CCDC198: variants seen among roughly 807,000 people sequenced by gnomAD.
The protein encoded by CCDC198 is factor associated with metabolism and energy.
Under a neutral mutation model 35.6 loss-of-function variants are expected in CCDC198, and 18 were observed. The observed-to-expected ratio is 0.51, with a 90% CI of 0.35 to 0.75. The LOEUF (loss-of-function observed/expected upper bound fraction) is 0.75. Among genes scored for constraint, CCDC198 ranks in the 30% least tolerant of loss-of-function variants. The pLI is 0.01. For missense variants in CCDC198, 365 were observed against 343.7 expected (o/e 1.06, Z -0.49); for synonymous variants, 119 against 113.4 (o/e 1.05, Z -0.31).
intron 5 of CCDC198, chr14:57,478,827 G>A (rs560379102): frequency 8.3e-5 from 94 of 1,126,096 alleles, no homozygotes; most frequent in African/African-American, 3.4e-4. Context: ...TTGATCGAGC[G>A]TCTTGTTTCT....
intron 4 of CCDC198, 84 bp downstream of exon 4, chr14:57,481,475 C>T (rs2067183286): frequency 3.3e-6 from 3 of 900,124 alleles, no homozygotes; most frequent in South Asian, 1.5e-5. Flanking sequence ...TAAAGACTGG[C>T]TATCTATGCT....
intron 5 of CCDC198, among the ~76,000 whole-genome samples, chr14:57,477,637 C>A (rs567905523): frequency 1.3e-5 from 2 of 152,270 alleles, no homozygotes; most frequent in East Asian, 1.9e-4. Context: ...ATGTAAAATT[C>A]TTTCACCATC....
intron 2 of CCDC198, among the ~76,000 whole-genome samples, chr14:57,483,694 G>A (rs1270965678): frequency 1.3e-5 from 2 of 152,182 alleles, no homozygotes; most frequent in Non-Finnish European, 2.9e-5. Flanking sequence ...TGGCTTGATA[G>A]GGGAGATCAT....
chr14:57,475,121 CAT>C (rs1342880553), intron 5 of CCDC198, among the ~76,000 whole-genome samples: 1 of 151,570 alleles, frequency 6.6e-6, no homozygotes, highest in Non-Finnish European at 1.5e-5. Flanking sequence ...ATTAGCCGGG[CAT>C]GGTGGCGGGC....
intron 5 of CCDC198, 139 bp from the exon 6 acceptor site, chr14:57,471,729 AATAT>A (rs34069987): frequency 1.1e-3 from 174 of 163,548 alleles, no homozygotes; most frequent in Middle Eastern, 2.6e-3. Context: ...ATATATATAT[AATAT>A]ATATATATAT....
chr14:57,475,443 A>G lies in CCDC198; in HGVS notation c.656-3853T>C, dbSNP rs926754078. ...AGCATATGACTGTTTTCACTATAAG[A>G]CATCAATTGTGGCCAGGCGCGGTGG... On this transcript the variant is annotated intron_variant, in intron 5 of 5. Coordinates refer to ENST00000216445, the MANE Select transcript of CCDC198 (RefSeq NM_018168.4). 5.7e-6 allele frequency: 7 copies of G among 1,231,768 alleles called. No homozygotes were observed. The Admixed American group carries it at 1.5e-4, about 27-fold the overall frequency. 76.3% of individuals were successfully genotyped at this position (1,231,768 alleles called of 1,614,324 possible).
chr14:57,481,129 G>T (rs1297270703), intron 4 of CCDC198, among the ~76,000 whole-genome samples: 1 of 152,054 alleles, frequency 6.6e-6, no homozygotes, highest in Non-Finnish European at 1.5e-5. Flanking sequence ...GGGTTTTTTT[G>T]TTTGTTTGGT....
chr14:57,475,784 GCTT>G, intron 5 of CCDC198: 6 of 204,082 alleles, frequency 2.9e-5, no homozygotes, highest in South Asian at 9.5e-5. Context: ...ACGGCACTTA[GCTT>G]CTTTTTTTTT....
intron 2 of CCDC198, among the ~76,000 whole-genome samples, chr14:57,483,844 G>C (rs2067268767): frequency 1.3e-5 from 2 of 152,330 alleles, no homozygotes. Context: ...CATGCAATGG[G>C]GAACGTGGAG....
chr14:57,477,195 A>C (rs1424814539), intron 5 of CCDC198, among the ~76,000 whole-genome samples: 1 of 152,244 alleles, frequency 6.6e-6, no homozygotes, highest in Non-Finnish European at 1.5e-5. Context: ...TTATTATCCC[A>C]GTATCCTATA....
intron 2 of CCDC198, among the ~76,000 whole-genome samples, chr14:57,487,801 A>G (rs1296369690): frequency 1.3e-5 from 2 of 152,232 alleles, no homozygotes; most frequent in Non-Finnish European, 1.5e-5. Context: ...TTAGCATGTC[A>G]TGAGGACCCA....
At chr14:57,491,581 GA>G (rs1469267897) in intron 1 of CCDC198, among the ~76,000 whole-genome samples, 1 of 152,032 alleles carries the variant, frequency 6.6e-6, no homozygotes, top group East Asian at 1.9e-4. Context: ...CCCCTTTAGT[GA>G]AAAAAATTTC....
Position 57,471,368 on chromosome 14 carries a change from A to G in CCDC198, c.878T>C (p.Phe293Ser). 1 of 1,612,708 alleles carries G rather than the reference A, an allele frequency of 6.2e-7. No homozygotes were observed. The highest frequency in any genetic ancestry group is 8.5e-7 in the Non-Finnish European group (1 of 1,179,370). ...TERIPLFDEF[F>S]DQE Reference sequence around the variant, plus strand: ...TGAATAGTATTCTTATTCTTGATCAAAAAACTCATCGAAAAGTGGGATTCT... The same window carrying G: ...TGAATAGTATTCTTATTCTTGATCAGAAAACTCATCGAAAAGTGGGATTCT... Residue 293 changes from phenylalanine (F) to serine (S), a missense_variant, in exon 6 of 6, where the codon TTT becomes TCT. Phe to Ser is a radical substitution (Grantham distance 155, BLOSUM62 -2). Transcript: ENST00000216445.
intron 5 of CCDC198, among the ~76,000 whole-genome samples, chr14:57,473,526 G>A (rs1001338166): frequency 6.6e-6 from 1 of 152,118 alleles, no homozygotes; most frequent in Admixed American, 6.5e-5. Flanking sequence ...CCTATCACCT[G>A]ATAATTCTGA....
intron 4 of CCDC198, among the ~76,000 whole-genome samples, chr14:57,480,993 G>T (rs1019280680): frequency 9.9e-5 from 15 of 152,232 alleles, no homozygotes. Flanking sequence ...TTAAGATGAG[G>T]ACCTTTACAA....
intron 5 of CCDC198, among the ~76,000 whole-genome samples, chr14:57,479,506 G>A (rs1232012233): frequency 6.6e-6 from 1 of 152,204 alleles, no homozygotes; most frequent in Non-Finnish European, 1.5e-5. Flanking sequence ...TGTTAGTGCA[G>A]TGCTTCTAGA....
In CCDC198 at chr14:57,484,314, A is replaced by G. The variant is rs150577533; in HGVS notation, c.307-1163T>C. On this transcript the variant is annotated intron_variant, in intron 2 of 5. Transcript: ENST00000216445. Reference sequence around the variant, plus strand: ...AGGGGAAATCTGGACACAGACACACACACAGGCAGGACACGATGTGAAGAT... The same window carrying G: ...AGGGGAAATCTGGACACAGACACACGCACAGGCAGGACACGATGTGAAGAT... Among the ~76,000 whole-genome samples the G allele has an allele frequency of 1.4e-3, 210 of 152,328 alleles. 1 individual carries two copies. The highest frequency in any genetic ancestry group is 4.9e-3 in the African/African-American group (203 of 41,588).
rs780131468 is a variant in CCDC198 at position 57,481,660 on chromosome 14, G to A, written c.394C>T (p.Gln132Ter). 2 of 1,579,866 alleles carry A rather than the reference G, an allele frequency of 1.3e-6. No individual in the cohort carries two copies. Among genetic ancestry groups the A allele is most frequent in the South Asian group, 2.2e-5 (2 of 89,948 alleles). ...REARTMHKAK[Q>*]VLEKKMQTPM... Reference sequence around the variant, plus strand: ...GTTTGCATTTTCTTTTCTAGTACCTGCTATGAAAGACAACACACTTGTTAG... The same window carrying A: ...GTTTGCATTTTCTTTTCTAGTACCTACTATGAAAGACAACACACTTGTTAG... Residue 132 changes from glutamine to a stop codon, truncating the protein, a stop_gained and splice_region_variant, in exon 4 of 6, where the codon CAG becomes TAG. Coordinates refer to ENST00000216445, the MANE Select transcript of CCDC198 (RefSeq NM_018168.4). LOFTEE classifies it high-confidence loss of function.
chr14:57,490,466 G>A (rs1367617343), intron 2 of CCDC198, among the ~76,000 whole-genome samples: 4 of 152,152 alleles, frequency 2.6e-5, no homozygotes, highest in Non-Finnish European at 5.9e-5. Context: ...TACTTATGCT[G>A]ACAGTTAAGA....
Sources: gnomAD v4.1 joint callset for allele counts (sites outside exome capture counted in the v4.1 genomes callset) on GRCh38, gnomAD v4.1.1 for gene constraint, MANE v1.5 for transcripts, NCBI Gene and HGNC (gene_info 2026-07-23, HGNC 2026-07-21) for gene names.